Variants in NELL1 observed in about 807,000 individuals in gnomAD.
NELL1 encodes protein kinase C-binding protein NELL1.
NELL1 carries 76 observed loss-of-function variants against 107.4 expected under a neutral mutation model. That is an observed-to-expected ratio of 0.71 (90% CI 0.59 to 0.86). The LOEUF is 0.86. Among genes scored for constraint, NELL1 ranks in the 40% least tolerant of loss-of-function variants. NELL1 has a pLI of 0.00. For missense variants in NELL1, 1,024 were observed against 1,005.5 expected, an observed-to-expected ratio of 1.02 and a Z score of -0.25; for synonymous variants, 353 against 341.2, an observed-to-expected ratio of 1.03 and a Z score of -0.38.
At chr11:21,398,422 C>T (rs139025324) in intron 15 of NELL1, among the ~76,000 whole-genome samples, 73 of 151,824 alleles carry the variant, frequency 4.8e-4, no homozygotes, top group Middle Eastern at 6.8e-3. Flanking sequence ...CATAAATGTG[C>T]ATGAGTCCAG....
rs763408444 is a variant in NELL1 at position 21,229,456 on chromosome 11, T to C, written c.1549+2T>C. 1 of 1,613,570 alleles carries C rather than the reference T, an allele frequency of 6.2e-7. No homozygotes were observed. Among genetic ancestry groups the C allele is most frequent in the Middle Eastern group, 1.7e-4 (1 of 6,056 alleles). On this transcript the variant is annotated splice_donor_variant, in intron 14 of 19. Transcript: ENST00000357134. LOFTEE classifies it high-confidence loss of function. ...TGGGGAACGGGACCATCTGCAGAGGTAGGCTTGCCGCCTTAGTGTTGAGTT... is the reference window on the plus strand; with the variant it reads ...TGGGGAACGGGACCATCTGCAGAGGCAGGCTTGCCGCCTTAGTGTTGAGTT...
At chr11:20,941,910 C>G (rs1241912377) in intron 10 of NELL1, among the ~76,000 whole-genome samples, 1 of 152,134 alleles carries the variant, frequency 6.6e-6, no homozygotes, top group African/African-American at 2.4e-5. Flanking sequence ...TGGTGCATCA[C>G]AGAAAAGTCA....
At chr11:21,240,955 T>C (rs1280417312) in intron 14 of NELL1, among the ~76,000 whole-genome samples, 1 of 152,020 alleles carries the variant, frequency 6.6e-6, no homozygotes, top group Non-Finnish European at 1.5e-5. Context: ...CTTAGACAAG[T>C]GCTGATTCTT....
intron 2 of NELL1, among the ~76,000 whole-genome samples, chr11:20,779,187 T>C (rs985570201): frequency 3.9e-5 from 6 of 152,206 alleles, no homozygotes; most frequent in Admixed American, 3.9e-4. Context: ...GGATAGTATA[T>C]GTGGGGCCAG....
intron 16 of NELL1, among the ~76,000 whole-genome samples, chr11:21,548,016 A>G (rs935913735): frequency 6.6e-6 from 1 of 151,820 alleles, no homozygotes; most frequent in Non-Finnish European, 1.5e-5. Flanking sequence ...AAACTGGATC[A>G]TTTTCCTGCT....
intron 12 of NELL1, among the ~76,000 whole-genome samples, chr11:20,985,068 AC>A (rs1237561559): frequency 6.6e-6 from 1 of 152,208 alleles, no homozygotes; most frequent in African/African-American, 2.4e-5. Flanking sequence ...CACCTGGTCA[AC>A]TTACAGAATG....
chr11:21,545,521 G>C lies in NELL1; in HGVS notation c.1786+11007G>C, dbSNP rs150877803. ...ATACGTTCCCCTAAAAAGGTGCTTT[G>C]TAGTGTGGTTATGGTTTTAGGGTCC... On this transcript the variant is annotated intron_variant, in intron 16 of 19. Coordinates refer to ENST00000357134, the MANE Select transcript of NELL1 (RefSeq NM_006157.5). Among the ~76,000 whole-genome samples the C allele has an allele frequency of 3.1e-3, 477 of 152,106 alleles. 2 individuals are homozygous for C. Among genetic ancestry groups the C allele is most frequent in the African/African-American group, 0.01 (429 of 41,534 alleles).
intron 14 of NELL1, among the ~76,000 whole-genome samples, chr11:21,323,222 T>C (rs1410655423): frequency 6.6e-6 from 1 of 152,170 alleles, no homozygotes; most frequent in Non-Finnish European, 1.5e-5. Flanking sequence ...ATTTTTAAAC[T>C]GAGGCTGAAA....
intron 14 of NELL1, among the ~76,000 whole-genome samples, chr11:21,264,635 T>C (rs915528460): frequency 1.3e-5 from 2 of 151,914 alleles, no homozygotes; most frequent in African/African-American, 2.4e-5. Context: ...GTCACAGTGG[T>C]TTAACAAATG....
chr11:20,836,236 T>C (rs917106880), intron 3 of NELL1, among the ~76,000 whole-genome samples: 1 of 148,436 alleles, frequency 6.7e-6, no homozygotes, highest in African/African-American at 2.5e-5. Context: ...AAAACAATGA[T>C]ATACCATTAC....
intron 13 of NELL1, among the ~76,000 whole-genome samples, chr11:21,124,200 TA>T (rs1855436034): frequency 6.6e-6 from 1 of 152,158 alleles, no homozygotes; most frequent in South Asian, 2.1e-4. Context: ...AAAGTGTTAT[TA>T]AAATATTAGA....
intron 2 of NELL1, among the ~76,000 whole-genome samples, chr11:20,726,596 C>A (rs945184259): frequency 1.3e-5 from 2 of 151,048 alleles, no homozygotes; most frequent in African/African-American, 2.4e-5. Flanking sequence ...ATATTTTTTT[C>A]TTTTATTTTT....
At chr11:21,277,669 A>T (rs955617655) in intron 14 of NELL1, among the ~76,000 whole-genome samples, 2 of 152,222 alleles carry the variant, frequency 1.3e-5, no homozygotes, top group African/African-American at 4.8e-5. Context: ...TCAGTGATAG[A>T]CTGGATTAAG....
chr11:21,022,998 A>G (rs1852736019), intron 12 of NELL1, among the ~76,000 whole-genome samples: 1 of 152,040 alleles, frequency 6.6e-6, no homozygotes, highest in Non-Finnish European at 1.5e-5. Flanking sequence ...CTAGGGTGAT[A>G]TCTTACTCAT....
intron 2 of NELL1, among the ~76,000 whole-genome samples, chr11:20,766,036 C>T (rs984666766): frequency 2.0e-5 from 3 of 152,124 alleles, no homozygotes; most frequent in Admixed American, 2.0e-4. Flanking sequence ...TTGAACAAGG[C>T]AGTGGCATAC....
intron 12 of NELL1, among the ~76,000 whole-genome samples, chr11:21,035,199 C>A (rs768287151): frequency 6.6e-6 from 1 of 152,032 alleles, no homozygotes; most frequent in Non-Finnish European, 1.5e-5. Flanking sequence ...CCTGAATAGA[C>A]TAATCATGAA....
intron 15 of NELL1, among the ~76,000 whole-genome samples, chr11:21,395,542 T>G (rs533431490): frequency 5.3e-5 from 8 of 151,594 alleles, no homozygotes; most frequent in Non-Finnish European, 1.2e-4. Context: ...TTCTAACTTC[T>G]GTTTAAATGA....
At chr11:21,265,350 A>G (rs1438845753) in intron 14 of NELL1, among the ~76,000 whole-genome samples, 2 of 152,010 alleles carry the variant, frequency 1.3e-5, no homozygotes, top group Non-Finnish European at 2.9e-5. Context: ...ACTTCCTCAA[A>G]CAAGGGCTAC....
chr11:21,383,503 TC>T, intron 15 of NELL1, among the ~76,000 whole-genome samples: 1 of 151,880 alleles, frequency 6.6e-6, no homozygotes, highest in South Asian at 2.1e-4. Context: ...TTGGGCCTCT[TC>T]CTACCTCTCC....
Sources: gnomAD v4.1 joint callset for allele counts (sites outside exome capture counted in the v4.1 genomes callset) on GRCh38, gnomAD v4.1.1 for gene constraint, MANE v1.5 for transcripts, NCBI Gene and HGNC (gene_info 2026-07-23, HGNC 2026-07-21) for gene names.